C4orf50: variants seen among roughly 807,000 people sequenced by gnomAD.
C4orf50 encodes uncharacterized protein C4orf50.
Under a neutral mutation model 77.2 loss-of-function variants are expected in C4orf50, and 80 were observed. The ratio of observed to expected loss-of-function variants is 1.04; its 90% CI spans 0.87 to 1.25. The LOEUF (loss-of-function observed/expected upper bound fraction) is 1.25, where lower values mean the gene tolerates loss of function less well. Ranked by LOEUF, C4orf50 falls within the 50% of genes most tolerant of loss-of-function variation. The pLI, the probability that C4orf50 is intolerant of heterozygous loss-of-function variation, is 0.00. For synonymous variants in C4orf50, 532 were observed against 465.3 expected, an observed-to-expected ratio of 1.14 and a Z score of -1.84; for missense variants, 1,257 against 1,152.9, an observed-to-expected ratio of 1.09 and a Z score of -1.31.
intron 7 of C4orf50, among the ~76,000 whole-genome samples, chr4:5,927,679 C>T (rs1717578994): frequency 6.6e-6 from 1 of 152,026 alleles, no homozygotes; most frequent in South Asian, 2.1e-4. Context: ...TTAGATGTGC[C>T]TTCTTCCCCT....
intron 7 of C4orf50, among the ~76,000 whole-genome samples, chr4:5,927,387 A>T (rs1444745272): frequency 6.6e-6 from 1 of 151,690 alleles, no homozygotes; most frequent in Non-Finnish European, 1.5e-5. Flanking sequence ...CCCTGCCTGG[A>T]GCTTACTCTC....
chr4:5,979,868 A>G (rs1233477186), intron 29 of C4orf50, among the ~76,000 whole-genome samples: 1 of 152,254 alleles, frequency 6.6e-6, no homozygotes, highest in Admixed American at 6.5e-5. Flanking sequence ...ACTGTATCAT[A>G]GTCACGCCTA....
chr4:5,960,658 G>A (rs1355555699), intron 33 of C4orf50, among the ~76,000 whole-genome samples: 8 of 152,174 alleles, frequency 5.3e-5, no homozygotes, highest in African/African-American at 1.7e-4. Flanking sequence ...GTTCAAGCCC[G>A]AAGAGAGACC....
At chr4:5,987,743 C>T (rs751017070) in intron 28 of C4orf50, among the ~76,000 whole-genome samples, 11 of 152,090 alleles carry the variant, frequency 7.2e-5, no homozygotes, top group South Asian at 2.1e-4. Flanking sequence ...AGGGTCTCAA[C>T]GCTAAATATC....
intron 7 of C4orf50, among the ~76,000 whole-genome samples, chr4:5,945,842 G>A (rs147489209): frequency 8.1e-4 from 124 of 152,324 alleles, no homozygotes; most frequent in African/African-American, 2.7e-3. Context: ...TGCCCTGCTG[G>A]CTGTTGTTCT....
intron 29 of C4orf50, among the ~76,000 whole-genome samples, chr4:5,977,499 T>C (rs1476375392): frequency 6.6e-6 from 1 of 152,238 alleles, no homozygotes; most frequent in Non-Finnish European, 1.5e-5. Flanking sequence ...AAAATTTTGA[T>C]GGTATTTTCA....
chr4:5,920,247 T>A (rs1338291530), intron 7 of C4orf50, among the ~76,000 whole-genome samples: 1 of 152,212 alleles, frequency 6.6e-6, no homozygotes, highest in Non-Finnish European at 1.5e-5. Flanking sequence ...GGAACGAGAC[T>A]GCCAGGTTCA....
chr4:5,974,233 G>A (rs1373646170), intron 30 of C4orf50, among the ~76,000 whole-genome samples: 2 of 152,180 alleles, frequency 1.3e-5, no homozygotes, highest in Non-Finnish European at 2.9e-5. Context: ...GGCACCTACC[G>A]AGTGTCATGT....
At chr4:5,955,052 C>T (rs1039224106), downstream of C4orf50, among the ~76,000 whole-genome samples, 3 of 152,282 alleles carry the variant, frequency 2.0e-5, no homozygotes, top group South Asian at 2.1e-4. The surrounding 1 kb of genome is among the most constrained non-coding windows in gnomAD (Gnocchi z 5.1). Flanking sequence ...CTCCTGAGCT[C>T]TTCAGCTGTG....
chr4:5,989,292 G>A (rs1319562594), exon 28 of C4orf50: 2 of 1,535,920 alleles, frequency 1.3e-6, no homozygotes, highest in Non-Finnish European at 1.7e-6. Flanking sequence ...CTCTCTCGAG[G>A]GCACCCCAGG....
rs931831843 is a variant in C4orf50 at position 5,923,452 on chromosome 4, T to C, written c.*2475-25264A>G. ...TTAGATAGACTCAGGGAGGAGGCTT[T>C]TGTGGCGGGGGCGGCTGGGGACAGG... On this transcript the variant is annotated intron_variant, in intron 7 of 7. Coordinates refer to the C4orf50 transcript ENST00000324058. 2.0e-5 allele frequency: 3 copies of C among 153,378 alleles called. No homozygotes were observed. In the Middle Eastern group the frequency reaches 2.5e-3, roughly 130 times the overall value. The allele number at this position is 153,378 out of a possible 1,614,324, so 9.5% of individuals were successfully genotyped here. A position where few individuals can be genotyped will look rare whatever the true frequency, so the allele number is the denominator to read the frequency against.
At chr4:5,942,540 A>G (rs1718311918) in intron 7 of C4orf50, among the ~76,000 whole-genome samples, 1 of 152,252 alleles carries the variant, frequency 6.6e-6, no homozygotes, top group African/African-American at 2.4e-5. Flanking sequence ...AGGCTTAAAT[A>G]ATTTTACTGA....
chr4:6,006,772 T>C (rs1722266307), intron 25 of C4orf50, among the ~76,000 whole-genome samples: 2 of 152,206 alleles, frequency 1.3e-5, no homozygotes, highest in Non-Finnish European at 2.9e-5. Context: ...GTGTGCTCTC[T>C]ACTCCACAGT....
rs1362750607 is a variant in C4orf50, at chr4:6,008,549, G to T, written c.427-17C>A. On this transcript the variant is annotated splice_polypyrimidine_tract_variant and intron_variant, in intron 24 of 33. Transcript: ENST00000531445. The surrounding 1 kb of genome is among the most constrained non-coding windows in gnomAD (Gnocchi z 6.0). ...CTCCCGGATCTACAAGTTGGCGGTG[G>T]ATGAGGGCGTCAGCAAGCCCAAAGG... The T allele has an allele frequency of 2.5e-6, 1 of 397,844 alleles. No individual in the cohort carries two copies. Among genetic ancestry groups the T allele is most frequent in the Non-Finnish European group, 4.4e-6 (1 of 225,472 alleles). 24.6% of individuals were successfully genotyped at this position (397,844 alleles called of 1,614,324 possible).
chr4:5,934,182 G>T (rs1049576733), intron 7 of C4orf50, among the ~76,000 whole-genome samples: 3 of 152,062 alleles, frequency 2.0e-5, no homozygotes, highest in Non-Finnish European at 2.9e-5. Context: ...TGGCTGTAGA[G>T]AGTAGACGGC....
intron 7 of C4orf50, among the ~76,000 whole-genome samples, chr4:5,928,982 C>A (rs1717641214): frequency 6.6e-6 from 1 of 152,192 alleles, no homozygotes; most frequent in South Asian, 2.1e-4. Flanking sequence ...TTGCTAACAA[C>A]TGCATCATTG....
intron 28 of C4orf50, 92 bp from the exon 7 acceptor site, chr4:5,980,430 AG>A: frequency 8.5e-7 from 1 of 1,172,032 alleles, no homozygotes; most frequent in South Asian, 1.5e-5. Context: ...CCCACTCCGT[AG>A]TTTTTTTTTT....
intron 25 of C4orf50, among the ~76,000 whole-genome samples, chr4:6,004,295 A>G (rs866311424): frequency 8.8e-5 from 4 of 45,290 alleles, no homozygotes; most frequent in Admixed American, 3.0e-4. Flanking sequence ...GTTGGTGATG[A>G]TGGTGATGGT....
intron 7 of C4orf50, among the ~76,000 whole-genome samples, chr4:5,920,965 G>A (rs1483152272): frequency 8.4e-6 from 1 of 118,852 alleles, no homozygotes; most frequent in Non-Finnish European, 2.0e-5. Flanking sequence ...GCTTCCAGGA[G>A]TGGCAGGAGC....
Sources: allele counts gnomAD v4.1 joint callset (sites outside exome capture counted in the v4.1 genomes callset), GRCh38; gene constraint gnomAD v4.1.1; non-coding constraint Gnocchi (gnomAD v3.1); transcripts MANE v1.5; gene names NCBI Gene and HGNC (gene_info 2026-07-23, HGNC 2026-07-21).